POLD3: variants seen among roughly 807,000 people sequenced by gnomAD.
POLD3 encodes the protein DNA polymerase delta subunit 3.
In POLD3, 19 loss-of-function variants were observed where a neutral mutation model predicts 58.2. The ratio of observed to expected loss-of-function variants is 0.33; its 90% confidence interval spans 0.23 to 0.48. The LOEUF (loss-of-function observed/expected upper bound fraction) is 0.48. POLD3 is among the 20% of genes least tolerant of loss of function. POLD3 has a pLI of 0.99. For synonymous variants in POLD3, 172 were observed against 193.5 expected, an observed-to-expected ratio of 0.89 and a Z score of 0.92; for missense variants, 504 against 545.5, an observed-to-expected ratio of 0.92 and a Z score of 0.76.
intron 7 of POLD3, among the ~76,000 whole-genome samples, chr11:74,623,746 A>T (rs2032339259): frequency 6.6e-6 from 1 of 152,246 alleles, no homozygotes; most frequent in South Asian, 2.1e-4. Context: ...TGAGTATAAA[A>T]AGGAAATGCT....
At chr11:74,660,463 G>C (rs1315513963) in intron 4 of POLD3, among the ~76,000 whole-genome samples, 1 of 151,984 alleles carries the variant, frequency 6.6e-6, no homozygotes, top group Non-Finnish European at 1.5e-5. Flanking sequence ...TGAGCCTGTT[G>C]TCTAGATCTT....
intron 5 of POLD3, among the ~76,000 whole-genome samples, chr11:74,613,453 C>A (rs143256557): frequency 1.3e-5 from 2 of 152,138 alleles, no homozygotes; most frequent in East Asian, 3.9e-4. Flanking sequence ...TCTTTTGTAT[C>A]CTTAACAGCA....
chr11:74,609,368 ATATATTTTTTTTTT>A (rs1378716539), intron 3 of POLD3, among the ~76,000 whole-genome samples: 526 of 21,146 alleles, frequency 0.025, 3 homozygotes, highest in Middle Eastern at 0.045. Context: ...ATATATATAT[ATATATTTTTTTTTT>A]TTTTTTTTTT....
intron 6 of POLD3, 99 bp from the exon 7 acceptor site, chr11:74,619,918 C>A: frequency 2.3e-6 from 2 of 872,816 alleles, no homozygotes; most frequent in South Asian, 1.4e-5. Context: ...GAGACTATAC[C>A]ATCGCAACAG....
At chr11:74,627,465 A>G (rs940619966) in intron 8 of POLD3, among the ~76,000 whole-genome samples, 1 of 152,308 alleles carries the variant, frequency 6.6e-6, no homozygotes, top group Non-Finnish European at 1.5e-5. Flanking sequence ...TATTGAAGAA[A>G]GAAAAACATT....
intron 3 of POLD3, among the ~76,000 whole-genome samples, chr11:74,609,345 G>GAGATATAT (rs1263123317): frequency 9.4e-5 from 4 of 42,654 alleles, no homozygotes; most frequent in African/African-American, 5.2e-4. Flanking sequence ...CATTGTTTTT[G>GAGATATAT]ATATATATAT....
At chr11:74,608,452 A>T (rs1001501760) in intron 3 of POLD3, among the ~76,000 whole-genome samples, 1 of 152,040 alleles carries the variant, frequency 6.6e-6, no homozygotes, top group Non-Finnish European at 1.5e-5. Context: ...TTTTTCTGTG[A>T]ATAATTTTCT....
intron 2 of POLD3, among the ~76,000 whole-genome samples, chr11:74,597,112 G>A (rs778217068): frequency 3.3e-5 from 5 of 152,088 alleles, no homozygotes; most frequent in Admixed American, 2.6e-4. Context: ...ATGTATATCC[G>A]TAGTGGGACT....
At position 74,642,670 on chromosome 11, in the gene POLD3, A is replaced by G. The variant is rs1283239849; in HGVS notation, c.*1904A>G. On this transcript the variant is annotated 3_prime_UTR_variant, in exon 12 of 12. Transcript: ENST00000263681. ...TGAGTGGTGTTTTTTTTTTCTTTTTATACAATACCATGTTAACCACATGAG... is the reference window on the plus strand; with the variant it reads ...TGAGTGGTGTTTTTTTTTTCTTTTTGTACAATACCATGTTAACCACATGAG... 1.8e-5 allele frequency: 18 copies of G among 982,066 alleles called. No individual in the cohort carries two copies. The highest frequency in any genetic ancestry group is 2.2e-5 in the Non-Finnish European group (18 of 827,636). The allele number at this position is 982,066 out of a possible 1,614,324, so 60.8% of individuals were successfully genotyped here.
In POLD3 at chr11:74,629,330, A is replaced by G; in HGVS notation, c.1006+7A>G. Reference sequence around the variant, plus strand: ...GATAGCAGTGAAGATGAAGGTGGGCATTACCATTCATTTTGGGTTAGGGGG... The same window carrying G: ...GATAGCAGTGAAGATGAAGGTGGGCGTTACCATTCATTTTGGGTTAGGGGG... On this transcript the variant is annotated splice_region_variant and intron_variant, in intron 9 of 11. Coordinates refer to ENST00000263681, the MANE Select transcript of POLD3 (RefSeq NM_006591.3). 6.6e-7 allele frequency: 1 copy of G among 1,519,560 alleles called. No individual in the cohort carries two copies. The highest frequency in any genetic ancestry group is 9.1e-7 in the Non-Finnish European group (1 of 1,101,840). The allele number at this position is 1,519,560 out of a possible 1,614,324, so 94.1% of individuals were successfully genotyped here.
intron 2 of POLD3, among the ~76,000 whole-genome samples, chr11:74,596,252 C>T (rs941433974): frequency 2.0e-5 from 3 of 150,170 alleles, no homozygotes; most frequent in Admixed American, 6.7e-5. Flanking sequence ...GGCGTGATCT[C>T]GGCTCACTGC....
chr11:74,601,753 G>T (rs908486636), intron 2 of POLD3, among the ~76,000 whole-genome samples: 2 of 152,142 alleles, frequency 1.3e-5, no homozygotes, highest in African/African-American at 4.8e-5. Context: ...CTGCACTTCA[G>T]CCTGGGCGAC....
downstream of POLD3, among the ~76,000 whole-genome samples, chr11:74,645,040 C>G (rs1381732357): frequency 6.6e-6 from 1 of 152,144 alleles, no homozygotes; most frequent in East Asian, 1.9e-4. Flanking sequence ...CGTAAGTTAC[C>G]ATTTTGGAGT....
intron 4 of POLD3, among the ~76,000 whole-genome samples, chr11:74,664,952 T>TA (rs1235520991): frequency 6.6e-6 from 1 of 150,608 alleles, no homozygotes; most frequent in African/African-American, 2.4e-5. Context: ...ATACAAAACT[T>TA]AGCCAGACAT....
chr11:74,613,340 G>A (rs952156841), intron 5 of POLD3, among the ~76,000 whole-genome samples: 7 of 151,582 alleles, frequency 4.6e-5, no homozygotes, highest in African/African-American at 1.5e-4. Flanking sequence ...CAGTTCAAAC[G>A]TTGTCCTTAA....
rs768235815 is a variant in POLD3, at chr11:74,604,711, G to C, written c.136G>C (p.Glu46Gln). 3 of 1,603,604 alleles carry C rather than the reference G, an allele frequency of 1.9e-6. No homozygotes were observed. The highest frequency in any genetic ancestry group is 2.6e-6 in the Non-Finnish European group (3 of 1,170,510). Residue 46 changes from glutamate (E) to glutamine (Q), a missense_variant, in exon 3 of 12, where the codon GAA becomes CAA. By Grantham distance (29) the Glu-to-Gln change is conservative. This residue lies in a region of POLD3 where 119 missense variants were observed against 175.0 expected (regional missense o/e 0.68). Coordinates refer to ENST00000263681, the MANE Select transcript of POLD3 (RefSeq NM_006591.3). ...QAKQMLYDYV[E>Q]RKRKENSGAQ... is the part of the protein sequence containing the mutation. ...GAATAGGATGCTGTATGATTATGTT[G>C]AAAGGAAACGAAAAGAAAATTCAGG...
chr11:74,635,280 C>G (rs1014276982), intron 10 of POLD3, among the ~76,000 whole-genome samples: 2 of 152,018 alleles, frequency 1.3e-5, no homozygotes, highest in South Asian at 4.1e-4. Context: ...TTAAATCTTA[C>G]GCTGATTTCC....
At chr11:74,611,026 C>T (rs375480352) in intron 3 of POLD3, among the ~76,000 whole-genome samples, 6 of 152,316 alleles carry the variant, frequency 3.9e-5, no homozygotes, top group African/African-American at 9.6e-5. Flanking sequence ...CCACCCACTT[C>T]GGCCTCCCAA....
intron 4 of POLD3, among the ~76,000 whole-genome samples, chr11:74,656,231 CTT>C (rs1466741479): frequency 2.0e-5 from 3 of 152,278 alleles, no homozygotes; most frequent in African/African-American, 7.2e-5. Context: ...AAAATTCCCT[CTT>C]AGTACTGCTT....
Sources: allele counts gnomAD v4.1 joint callset (sites outside exome capture counted in the v4.1 genomes callset), GRCh38; gene constraint gnomAD v4.1.1; regional missense constraint gnomAD v4.1.1; transcripts MANE v1.5; gene names NCBI Gene and HGNC (gene_info 2026-07-23, HGNC 2026-07-21).